The following BCO2 variants were observed in gnomAD, a reference collection of about 807,000 sequenced individuals.
The protein encoded by BCO2 is beta-carotene oxygenase 2, also known as carotenoid-cleaving dioxygenase, mitochondrial.
BCO2 carries 56 observed loss-of-function variants against 65.8 expected under a neutral mutation model. The ratio of observed to expected loss-of-function variants is 0.85; its 90% CI spans 0.69 to 1.06. The LOEUF (loss-of-function observed/expected upper bound fraction) is 1.06, where lower values mean the gene tolerates loss of function less well. Ranked by LOEUF, BCO2 falls within the 50% of genes least tolerant of loss-of-function variation. The probability of loss-of-function intolerance (pLI) is 0.00; values close to 1 mark genes in which losing one functional copy is unlikely to be tolerated. For synonymous variants in BCO2, 233 were observed against 242.3 expected, an observed-to-expected ratio of 0.96 and a Z score of 0.36; for missense variants, 675 against 698.5, an observed-to-expected ratio of 0.97 and a Z score of 0.38.
chr11:112,192,943 T>TTTTTTTTTTG (rs1555195002), intron 2 of BCO2, among the ~76,000 whole-genome samples: 3 of 129,430 alleles, frequency 2.3e-5, no homozygotes, highest in African/African-American at 8.8e-5. Context: ...TTTTTTTTTT[T>TTTTTTTTTTG]GACAGGGGTA....
At chr11:112,192,414 G>T (rs970046546) in intron 2 of BCO2, among the ~76,000 whole-genome samples, 2 of 152,102 alleles carry the variant, frequency 1.3e-5, no homozygotes, top group African/African-American at 2.4e-5. Context: ...TATGAAAGAA[G>T]AGACCATATA....
intron 5 of BCO2, among the ~76,000 whole-genome samples, chr11:112,197,538 A>C: frequency 7.7e-6 from 1 of 130,264 alleles, no homozygotes; most frequent in African/African-American, 3.0e-5. Context: ...ACAGAGTAAG[A>C]CCCTGTCTCA....
intron 5 of BCO2, among the ~76,000 whole-genome samples, chr11:112,199,432 C>T (rs140260872): frequency 7.2e-5 from 11 of 152,258 alleles, no homozygotes; most frequent in African/African-American, 1.4e-4. Context: ...ATGTTTCCTA[C>T]GAATTAGAGA....
chr11:112,218,025 T>C lies in BCO2; in HGVS notation c.*151T>C, dbSNP rs1483427212. The C allele has an allele frequency of 5.2e-6, 3 of 578,668 alleles. No individual in the cohort carries two copies. The highest frequency in any genetic ancestry group is 9.1e-6 in the Non-Finnish European group (3 of 330,318). 35.8% of individuals were successfully genotyped at this position (578,668 alleles called of 1,614,324 possible). ...GCTACCTATTGAATACTATGTTCCCTATTTGGGTGATGGGTTCGTTAGAAG... is the reference window on the plus strand; with the variant it reads ...GCTACCTATTGAATACTATGTTCCCCATTTGGGTGATGGGTTCGTTAGAAG... On this transcript the variant is annotated 3_prime_UTR_variant, in exon 12 of 12. Transcript: ENST00000357685.
chr11:112,192,918 A>C (rs1291728368), intron 2 of BCO2, among the ~76,000 whole-genome samples: 1 of 10,856 alleles, frequency 9.2e-5, no homozygotes, highest in African/African-American at 2.1e-4. Context: ...GTTTTCTAAA[A>C]TGTGAGGTTT....
chr11:112,190,966 T>C (rs1278545664), intron 2 of BCO2, among the ~76,000 whole-genome samples: 1 of 149,910 alleles, frequency 6.7e-6, no homozygotes, highest in African/African-American at 2.4e-5. Context: ...TCTTGGTATA[T>C]GTATATAATA....
At chr11:112,207,668 G>T (rs371287062) in intron 8 of BCO2, among the ~76,000 whole-genome samples, 3 of 152,158 alleles carry the variant, frequency 2.0e-5, no homozygotes, top group Non-Finnish European at 4.4e-5. Flanking sequence ...AGAATCAGCT[G>T]TCAGTTCCCC....
rs539099785 is a variant in BCO2 at position 112,214,900 on chromosome 11, G to T, written c.1471G>T (p.Gly491Trp). ...FYGCGFRHLVGDSLIKVDVVN... is the reference protein window; with the variant it reads ...FYGCGFRHLVWDSLIKVDVVN... ...TGGCTGTGGCTTTCGGCATTTAGTG[G>T]GGGATTCTCTGATCAAGGTTGATGT... Residue 491 changes from glycine to tryptophan, a missense_variant, in exon 10 of 12, where the codon GGG (glycine) becomes TGG (tryptophan). Physicochemically the swap from Gly to Trp is radical, Grantham distance 184 (BLOSUM62 -2). Transcript: ENST00000357685. 2.9e-4 allele frequency: 465 copies of T among 1,614,158 alleles called. 3 individuals are homozygous for T. The South Asian group carries it at 4.8e-3, about 17-fold the overall frequency.
At chr11:112,189,667 GC>G (rs1867312869) in intron 2 of BCO2, among the ~76,000 whole-genome samples, 1 of 152,076 alleles carries the variant, frequency 6.6e-6, no homozygotes, top group Non-Finnish European at 1.5e-5. Flanking sequence ...CTCCCAAAGT[GC>G]TGGGATTACA....
At chr11:112,194,389 T>C in intron 4 of BCO2, 1 of 444,402 alleles carries the variant, frequency 2.3e-6, no homozygotes, top group Non-Finnish European at 3.9e-6. Flanking sequence ...ATTCTTATGC[T>C]TCTTTTGAAT....
Position 112,194,714 on chromosome 11 carries a change from A to AT in BCO2, c.696dup (p.Gly233TrpfsTer18). 1 of 1,612,698 alleles carries AT rather than the reference A, an allele frequency of 6.2e-7. No homozygotes were observed. Among genetic ancestry groups the AT allele is most frequent in the African/African-American group, 1.3e-5 (1 of 74,978 alleles). ...ACTGCACATCCTCATTATGACCTGG[A>AT]TGGAACAGCATACAATATGGGGAAC... On this transcript the variant is annotated frameshift_variant, in exon 5 of 12. Transcript: ENST00000357685. LOFTEE classifies it high-confidence loss of function.
At chr11:112,180,529 C>T (rs184833841) in intron 2 of BCO2, among the ~76,000 whole-genome samples, 10 of 152,260 alleles carry the variant, frequency 6.6e-5, no homozygotes, top group African/African-American at 1.9e-4. Flanking sequence ...TTCAATAAAT[C>T]GATGCCAATA....
chr11:112,196,807 C>T (rs1867587786), intron 5 of BCO2, among the ~76,000 whole-genome samples: 1 of 147,906 alleles, frequency 6.8e-6, no homozygotes, highest in Non-Finnish European at 1.5e-5. Context: ...CCACCACCTC[C>T]TCCTTTCCTC....
At chr11:112,196,502 A>T (rs150036481) in intron 5 of BCO2, among the ~76,000 whole-genome samples, 2 of 152,338 alleles carry the variant, frequency 1.3e-5, no homozygotes, top group African/African-American at 4.8e-5. Flanking sequence ...TGTAAACATT[A>T]ATCAATCCAG....
chr11:112,201,962 G>T, intron 7 of BCO2, 61 bp from the exon 8 acceptor site: 1 of 1,431,992 alleles, frequency 7.0e-7, no homozygotes, highest in South Asian at 1.6e-5. Flanking sequence ...TTTCCTAAAG[G>T]AAAGGGAAAA....
At chr11:112,201,881 A>G in intron 7 of BCO2, 142 bp from the exon 8 acceptor site, 3 of 598,604 alleles carry the variant, frequency 5.0e-6, no homozygotes, top group South Asian at 2.9e-5. Flanking sequence ...TTCTACTTTT[A>G]TATATACTGG....
intron 2 of BCO2, 166 bp downstream of exon 2, chr11:112,179,648 C>A: frequency 1.5e-6 from 1 of 664,718 alleles, no homozygotes; most frequent in Non-Finnish European, 2.5e-6. Context: ...ACTTTTTAAA[C>A]AAAATGTCCT....
rs868628491 is a variant in BCO2 at position 112,213,746 on chromosome 11, C to T, written c.1217C>T (p.Ser406Phe). ...LDQVHNSAAK[S>F]FPRRFVLPLN... ...CAGGTCCATAATTCAGCAGCCAAAT[C>T]TTTCCCTCGAAGGTTTGTTTTGCCT... Residue 406 changes from serine to phenylalanine, a missense_variant, in exon 9 of 12, where the codon TCT becomes TTT. Ser to Phe is a radical substitution (Grantham distance 155). Transcript: ENST00000357685. The T allele has an allele frequency of 1.2e-6, 2 of 1,613,492 alleles. No individual in the cohort carries two copies. Among genetic ancestry groups the T allele is most frequent in the Non-Finnish European group, 1.7e-6 (2 of 1,179,694 alleles).
chr11:112,217,206 C>A (rs921420170), intron 11 of BCO2, among the ~76,000 whole-genome samples: 4 of 152,292 alleles, frequency 2.6e-5, no homozygotes, highest in Non-Finnish European at 5.9e-5. Flanking sequence ...AATTTCTTTG[C>A]TGTAGGTATG....
Sources: allele counts gnomAD v4.1 joint callset (sites outside exome capture counted in the v4.1 genomes callset), GRCh38; gene constraint gnomAD v4.1.1; transcripts MANE v1.5; gene names NCBI Gene and HGNC (gene_info 2026-07-23, HGNC 2026-07-21).